The following ACER1 variants were observed in gnomAD, a reference collection of about 807,000 sequenced individuals.
ACER1 encodes the protein alkaline ceramidase 1, also known as CTB-180A7.3.
Under a neutral mutation model 24.9 loss-of-function variants are expected in ACER1, and 28 were observed. The observed-to-expected ratio is 1.13, with a 90% CI of 0.83 to 1.54. The LOEUF is 1.54. ACER1 is among the 40% of genes most tolerant of loss of function. The pLI, the probability that ACER1 is intolerant of heterozygous loss-of-function variation, is 0.00. For synonymous variants in ACER1, 132 were observed against 131.4 expected, an observed-to-expected ratio of 1.00 and a Z score of -0.03; for missense variants, 352 against 349.3, an observed-to-expected ratio of 1.01 and a Z score of -0.06.
upstream of ACER1, among the ~76,000 whole-genome samples, chr19:6,335,178 TTC>T (rs2091708500): frequency 6.8e-6 from 1 of 147,198 alleles, no homozygotes; most frequent in Admixed American, 6.9e-5. Context: ...TATATAATTT[TTC>T]TTTTTTTAAG....
the ACER1 span, among the ~76,000 whole-genome samples, chr19:6,347,098 C>CAAA: frequency 8.7e-3 from 715 of 81,728 alleles, 12 homozygotes; most frequent in South Asian, 0.035. Flanking sequence ...CCTGTCTCTA[C>CAAA]AAAAAAAAAA....
At chr19:6,334,206 G>A (rs919750920), upstream of ACER1, among the ~76,000 whole-genome samples, 5 of 151,560 alleles carry the variant, frequency 3.3e-5, no homozygotes, top group East Asian at 3.9e-4. Flanking sequence ...CGCCACGACC[G>A]GCTAATTTTT....
intron 1 of ACER1, among the ~76,000 whole-genome samples, chr19:6,329,356 T>TATAGGATAGA (rs1555716483): frequency 7.5e-6 from 1 of 133,938 alleles, no homozygotes; most frequent in Non-Finnish European, 1.6e-5. Context: ...GGCTTTTTGA[T>TATAGGATAGA]ATAGAATAGA....
chr19:6,347,223 TC>T, the ACER1 span, among the ~76,000 whole-genome samples: 7,094 of 140,922 alleles, frequency 0.05, 437 homozygotes, highest in African/African-American at 0.11. Flanking sequence ...CTTTTCTTTT[TC>T]TTTTTTTTTT....
upstream of ACER1, among the ~76,000 whole-genome samples, chr19:6,338,222 G>T (rs2091722525): frequency 6.6e-6 from 1 of 152,192 alleles, no homozygotes; most frequent in African/African-American, 2.4e-5. Flanking sequence ...AATTTCCTGG[G>T]CTCAAGCAAT....
chr19:6,307,087 C>CTCCG (rs1364240748), intron 5 of ACER1, 66 bp downstream of exon 5: 1 of 1,597,604 alleles, frequency 6.3e-7, no homozygotes, highest in East Asian at 2.2e-5. Flanking sequence ...CAGGTGCCTA[C>CTCCG]TCCGAGCTTT....
At chr19:6,309,419 G>A (rs1357613382) in intron 4 of ACER1, among the ~76,000 whole-genome samples, 3 of 152,076 alleles carry the variant, frequency 2.0e-5, no homozygotes, top group Non-Finnish European at 4.4e-5. Flanking sequence ...CTACTTGGGA[G>A]GCTGGAGTGG....
At chr19:6,337,524 G>T (rs2091718755), upstream of ACER1, among the ~76,000 whole-genome samples, 1 of 150,030 alleles carries the variant, frequency 6.7e-6, no homozygotes, top group African/African-American at 2.4e-5. Flanking sequence ...CATGATCTCG[G>T]CTCACTGCAA....
chr19:6,336,592 A>G (rs8100683), upstream of ACER1, among the ~76,000 whole-genome samples: 50,759 of 151,908 alleles, frequency 0.33, 14,263 homozygotes, highest in African/African-American at 0.77. Flanking sequence ...AAGCCAAGGC[A>G]GGCGGATCAC....
rs368802411 is a variant in ACER1 at position 6,333,587 on chromosome 19, G to A, written c.-36C>T. On this transcript the variant is annotated 5_prime_UTR_variant, in exon 1 of 6. Transcript: ENST00000301452. ...TGGCCACCACCAGCCGGCTGCGCCC[G>A]GCAGAGAGAAGGCGAGCTTGGGAAG... 2.4e-4 allele frequency: 371 copies of A among 1,535,062 alleles called. No individual in the cohort carries two copies. Among genetic ancestry groups the A allele is most frequent in the African/African-American group, 1.5e-3 (107 of 73,102 alleles).
chr19:6,323,280 C>T (rs770339056), intron 1 of ACER1, among the ~76,000 whole-genome samples: 24 of 151,836 alleles, frequency 1.6e-4, no homozygotes, highest in South Asian at 6.2e-4. Flanking sequence ...ATTAGCTGGG[C>T]GAGGTGGCGG....
chr19:6,328,873 T>C (rs2091674438), intron 1 of ACER1, among the ~76,000 whole-genome samples: 1 of 151,698 alleles, frequency 6.6e-6, no homozygotes, highest in African/African-American at 2.4e-5. Context: ...TGGGGTTTCA[T>C]CGTGTTTTCC....
chr19:6,307,612 C>T (rs2091558352), intron 4 of ACER1, among the ~76,000 whole-genome samples: 1 of 146,784 alleles, frequency 6.8e-6, no homozygotes, highest in Admixed American at 6.8e-5. Flanking sequence ...AGCAAGACCC[C>T]ATCTCTAAAA....
chr19:6,352,905 G>A, the ACER1 span, among the ~76,000 whole-genome samples: 11 of 152,322 alleles, frequency 7.2e-5, 1 homozygote, highest in Admixed American at 2.6e-4. Flanking sequence ...AGTGATGACA[G>A]CTTCTCTCTG....
At chr19:6,335,891 TTTTC>T (rs1600247515), upstream of ACER1, among the ~76,000 whole-genome samples, 1 of 149,160 alleles carries the variant, frequency 6.7e-6, no homozygotes, top group Non-Finnish European at 1.5e-5. Flanking sequence ...TTTTTCTTTT[TTTTC>T]TTTTTCTTTT....
At chr19:6,325,309 G>A (rs2091655738) in intron 1 of ACER1, among the ~76,000 whole-genome samples, 2 of 152,110 alleles carry the variant, frequency 1.3e-5, no homozygotes, top group African/African-American at 4.8e-5. Context: ...GACTCCCCCT[G>A]GGCTCCGCTT....
intron 1 of ACER1, among the ~76,000 whole-genome samples, chr19:6,312,878 T>C (rs1171537014): frequency 1.3e-5 from 2 of 151,954 alleles, no homozygotes; most frequent in African/African-American, 4.8e-5. Flanking sequence ...GGTTTCACCA[T>C]GTTGGCCAGG....
At chr19:6,331,964 C>CTTT (rs1465817778) in intron 1 of ACER1, among the ~76,000 whole-genome samples, 1 of 131,648 alleles carries the variant, frequency 7.6e-6, no homozygotes, top group African/African-American at 3.7e-5. Context: ...TTGTGCATTC[C>CTTT]TATTTTTTTT....
chr19:6,324,128 T>C (rs969547744), intron 1 of ACER1, among the ~76,000 whole-genome samples: 2 of 149,816 alleles, frequency 1.3e-5, no homozygotes, highest in Non-Finnish European at 3.0e-5. Flanking sequence ...CACTGCAATC[T>C]CCACCTCCCA....
Sources: gnomAD v4.1 joint callset for allele counts (sites outside exome capture counted in the v4.1 genomes callset) on GRCh38, gnomAD v4.1.1 for gene constraint, MANE v1.5 for transcripts, NCBI Gene and HGNC (gene_info 2026-07-23, HGNC 2026-07-21) for gene names.